MAST3: variants seen among roughly 807,000 people sequenced by gnomAD.
MAST3 encodes microtubule associated serine/threonine kinase 3.
In MAST3, 43 loss-of-function variants were observed where a neutral mutation model predicts 127.0. The observed-to-expected ratio is 0.34, with a 90% confidence interval of 0.27 to 0.44. The LOEUF (loss-of-function observed/expected upper bound fraction) is 0.44, where lower values mean the gene tolerates loss of function less well. Among genes scored for constraint, MAST3 ranks in the 20% least tolerant of loss-of-function variants. The pLI, the probability that MAST3 is intolerant of heterozygous loss-of-function variation, is 1.00. For synonymous variants in MAST3, 785 were observed against 809.2 expected (o/e 0.97, Z 0.51); for missense variants, 1,390 against 1,919.1 (o/e 0.72, Z 5.15).
intron 3 of MAST3, among the ~76,000 whole-genome samples, chr19:18,121,252 G>A (rs749433644): frequency 1.6e-4 from 25 of 151,988 alleles, no homozygotes; most frequent in Non-Finnish European, 2.6e-4. Context: ...ACCTCCTGAG[G>A]CTCAAGCGAT....
intron 11 of MAST3, among the ~76,000 whole-genome samples, chr19:18,127,879 C>T (rs1001993373): frequency 6.0e-4 from 91 of 152,170 alleles, no homozygotes; most frequent in African/African-American, 2.1e-3. Context: ...ATTAAATAAT[C>T]ATACTAATAA....
intron 18 of MAST3, 51 bp downstream of exon 18, chr19:18,135,892 A>T: frequency 1.4e-6 from 2 of 1,430,616 alleles, no homozygotes; most frequent in Non-Finnish European, 1.9e-6. Context: ...AGGCCCTGGG[A>T]CCCAGGGAAT....
rs114281474 is a variant in MAST3, at chr19:18,145,583, G to A, written c.3040-160G>A. Among the ~76,000 whole-genome samples the A allele has an allele frequency of 5.5e-3, 715 of 130,720 alleles. 3 individuals are homozygous for A. Among genetic ancestry groups the A allele is most frequent in the African/African-American group, 0.019 (661 of 34,260 alleles). The allele number at this position is 130,720 out of a possible 152,430, so 85.8% of individuals were successfully genotyped here. On this transcript the variant is annotated intron_variant, in intron 24 of 27. Transcript: ENST00000687212. The surrounding 1 kb of genome is among the most constrained non-coding windows in gnomAD (Gnocchi z 5.9). The stretch of plus-strand genomic sequence containing the variant: ...TTCTGGAGAAGGGGGCGTAGGAGCT[G>A]GGGCTTTGATGGGTGAGTAGGAGTT...
chr19:18,106,059 T>A (rs1047111228), intron 1 of MAST3, among the ~76,000 whole-genome samples: 6 of 152,004 alleles, frequency 3.9e-5, no homozygotes, highest in African/African-American at 1.4e-4. Context: ...TCTTCATAAA[T>A]ACAACTAATT....
chr19:18,114,954 G>A (rs1010211309), intron 3 of MAST3, among the ~76,000 whole-genome samples: 1 of 152,172 alleles, frequency 6.6e-6, no homozygotes, highest in Non-Finnish European at 1.5e-5. Flanking sequence ...ACCGTTGAAC[G>A]GGGGTGTCTG....
Position 18,142,069 on chromosome 19 carries a change from T to A in MAST3, c.2339+54T>A, listed in dbSNP as rs1417703529. 3 of 1,356,560 alleles carry A rather than the reference T, an allele frequency of 2.2e-6. No individual in the cohort carries two copies. The Admixed American group carries it at 8.8e-5, about 40-fold the overall frequency. The allele number at this position is 1,356,560 out of a possible 1,614,324, so 84.0% of individuals were successfully genotyped here. ...TCCAGCTTCCAAGCCTGCTGGGAGG[T>A]AGAGACACAAAATCTGATGCAAAGG... On this transcript the variant is annotated intron_variant, in intron 21 of 27. Transcript: ENST00000687212.
At position 18,144,685 on chromosome 19, in the gene MAST3, T is replaced by C. The variant is rs1201718991; in HGVS notation, c.2804T>C (p.Ile935Thr). ...SASVSALSLI[I>T]TADDGSGGPL... ...TCTGTCTCTGCCCTGTCCCTCATCATCACGGCAGGTAATGCCCAAGGCCCC... is the reference window on the plus strand; with the variant it reads ...TCTGTCTCTGCCCTGTCCCTCATCACCACGGCAGGTAATGCCCAAGGCCCC... Residue 935 changes from isoleucine to threonine, a missense_variant, in exon 23 of 28, where the codon ATC becomes ACC. Coordinates refer to ENST00000687212, the MANE Select transcript of MAST3 (RefSeq NM_001393504.1). The surrounding 1 kb of genome is among the most constrained non-coding windows in gnomAD (Gnocchi z 4.0). The C allele has an allele frequency of 3.1e-6, 5 of 1,607,548 alleles. No individual in the cohort carries two copies. Among genetic ancestry groups the C allele is most frequent in the Non-Finnish European group, 4.2e-6 (5 of 1,179,834 alleles).
At chr19:18,098,683 C>T (rs1300399077) in intron 1 of MAST3, 1 of 455,680 alleles carries the variant, frequency 2.2e-6, no homozygotes, top group Non-Finnish European at 4.4e-6. Flanking sequence ...GGCCATTTTC[C>T]TCTGGGACTT....
At position 18,140,868 on chromosome 19, in the gene MAST3, A is replaced by G. The variant is rs1423818944; in HGVS notation, c.2206-1014A>G. ...GAGTGCAATAGTGCAATCTCAGCTC[A>G]CTGCAACCTCCACCTTCTGGGTTCA... is the stretch of plus-strand genomic sequence containing the variant. On this transcript the variant is annotated intron_variant, in intron 20 of 27. Coordinates refer to ENST00000687212, the MANE Select transcript of MAST3 (RefSeq NM_001393504.1). Among the ~76,000 whole-genome samples the G allele has an allele frequency of 3.9e-5, 6 of 152,144 alleles. No individual in the cohort carries two copies. In the East Asian group the frequency reaches 1.2e-3, roughly 29 times the overall value.
intron 21 of MAST3, among the ~76,000 whole-genome samples, chr19:18,142,412 C>T (rs1360402851): frequency 7.2e-6 from 1 of 137,986 alleles, no homozygotes; most frequent in East Asian, 2.2e-4. Context: ...AGTGCAGTGG[C>T]GCAATCTCGG....
In MAST3 at chr19:18,147,444, C is replaced by T. The variant is rs775634139; in HGVS notation, c.3328C>T (p.Arg1110Trp). ...RCAAVTTRER[R>W]KSLFKKISKQ... ...AAGCCTCCGGTTTTCTTACCCCAGGCGGAAGTCACTTTTCAAGAAGATCTC... is the reference window on the plus strand; with the variant it reads ...AAGCCTCCGGTTTTCTTACCCCAGGTGGAAGTCACTTTTCAAGAAGATCTC... Residue 1110 changes from arginine to tryptophan, a missense_variant and splice_region_variant, in exon 27 of 28, where the codon CGG becomes TGG. This residue lies in a region of MAST3 where 816 missense variants were observed against 934.1 expected (regional missense o/e 0.87). Coordinates refer to ENST00000687212, the MANE Select transcript of MAST3 (RefSeq NM_001393504.1). The T allele has an allele frequency of 9.9e-6, 16 of 1,612,870 alleles. No individual in the cohort carries two copies. Among genetic ancestry groups the T allele is most frequent in the Admixed American group, 5.0e-5 (3 of 59,882 alleles).
At chr19:18,140,339 G>A (rs903331095) in intron 20 of MAST3, among the ~76,000 whole-genome samples, 16 of 151,798 alleles carry the variant, frequency 1.1e-4, no homozygotes, top group African/African-American at 3.2e-4. Flanking sequence ...AGATCACAGC[G>A]CTGCACTCCA....
intron 3 of MAST3, among the ~76,000 whole-genome samples, chr19:18,119,718 G>C (rs1277960167): frequency 6.6e-6 from 1 of 152,216 alleles, no homozygotes; most frequent in African/African-American, 2.4e-5. Flanking sequence ...TCAAGGTAGA[G>C]ATGAGGAAAC....
intron 18 of MAST3, among the ~76,000 whole-genome samples, chr19:18,136,256 C>T (rs1031204637): frequency 2.0e-5 from 3 of 152,134 alleles, no homozygotes; most frequent in Non-Finnish European, 4.4e-5. Context: ...CTATGGGAGA[C>T]GGTTGGGTCC....
In MAST3 at chr19:18,130,677, A is replaced by T. The variant is rs368449143; in HGVS notation, c.1407A>T (p.Leu469=). ...GCTCCTTTGAGACCCGGCGCCACCT[A>T]TGTATGGTCATGGAATACGTGGAAG... The part of the protein sequence containing the change: ...MFCSFETRRH[L]CMVMEYVEGG... Residue 469 remains leucine, a synonymous_variant, in exon 14 of 28, where the codon CTA becomes CTT. Transcript: ENST00000687212. 6.2e-7 allele frequency: 1 copy of T among 1,613,914 alleles called. No individual in the cohort carries two copies. The highest frequency in any genetic ancestry group is 8.5e-7 in the Non-Finnish European group (1 of 1,179,932).
At position 18,145,785 on chromosome 19, in the gene MAST3, G is replaced by T. The variant is rs377575167; in HGVS notation, c.3082G>T (p.Ala1028Ser). Residue 1028 changes from alanine to serine, a missense_variant, in exon 25 of 28, where the codon GCT becomes TCT. By Grantham distance (99) the Ala-to-Ser change is moderately conservative. Coordinates refer to ENST00000687212, the MANE Select transcript of MAST3 (RefSeq NM_001393504.1). The surrounding 1 kb of genome is among the most constrained non-coding windows in gnomAD (Gnocchi z 5.9). ...CCCCGCCCAGGAGGCGGGCCTGCGG[G>T]CTGGGGACCTCATCACCCACATCAA... ...GSPAQEAGLRAGDLITHINGE... is the reference protein window; with the variant it reads ...GSPAQEAGLRSGDLITHINGE... 55 of 1,592,586 alleles carry T rather than the reference G, an allele frequency of 3.5e-5. No homozygotes were observed. The highest frequency in any genetic ancestry group is 4.4e-5 in the Non-Finnish European group (52 of 1,172,610).
intron 11 of MAST3, 117 bp downstream of exon 11, chr19:18,124,891 A>T: frequency 1.5e-6 from 2 of 1,292,016 alleles, no homozygotes; most frequent in Non-Finnish European, 1.0e-6. Context: ...AGATCACTTG[A>T]GGCCAGGAGT....
rs2041979950 is a variant in MAST3 at position 18,137,250 on chromosome 19, G to A, written c.1984G>A (p.Glu662Lys). The change falls in exon 19 of 28, where the codon GAA (glutamate) becomes AAA (lysine). Residue 662 changes from glutamate to lysine, a missense_variant. Coordinates refer to ENST00000687212, the MANE Select transcript of MAST3 (RefSeq NM_001393504.1). ...GGGCATATCTGCAGGTGGCACCCACGAAGTGAAGCAGCACCCCTTTTTCCT... is the reference window on the plus strand; with the variant it reads ...GGGCATATCTGCAGGTGGCACCCACAAAGTGAAGCAGCACCCCTTTTTCCT... ...LDRLGTGGTH[E>K]VKQHPFFLAL... 1.2e-6 allele frequency: 2 copies of A among 1,613,416 alleles called. No individual in the cohort carries two copies. Among genetic ancestry groups the A allele is most frequent in the Non-Finnish European group, 1.7e-6 (2 of 1,179,534 alleles).
chr19:18,099,072 G>T (rs1024314220), intron 1 of MAST3: 2 of 248,546 alleles, frequency 8.0e-6, no homozygotes, highest in South Asian at 4.2e-5. Context: ...CTGAGCAGGT[G>T]GGGTGGGGGT....
Sources: allele counts gnomAD v4.1 joint callset (sites outside exome capture counted in the v4.1 genomes callset), GRCh38; gene constraint gnomAD v4.1.1; regional missense constraint gnomAD v4.1.1; non-coding constraint Gnocchi (gnomAD v3.1); transcripts MANE v1.5; gene names NCBI Gene and HGNC (gene_info 2026-07-23, HGNC 2026-07-21).